The following ANTXR1 variants were observed in gnomAD, a reference collection of about 807,000 sequenced individuals.
ANTXR1 encodes anthrax toxin receptor 1.
Under a neutral mutation model 78.1 loss-of-function variants are expected in ANTXR1, and 19 were observed. The ratio of observed to expected loss-of-function variants is 0.24; its 90% CI spans 0.17 to 0.36. ANTXR1 has a LOEUF of 0.36. Among genes scored for constraint, ANTXR1 ranks in the 10% least tolerant of loss-of-function variants. The pLI is 1.00. For missense variants in ANTXR1, 518 were observed against 718.6 expected (o/e 0.72, Z 3.19); for synonymous variants, 273 against 260.5 (o/e 1.05, Z -0.46).
At position 69,245,780 on chromosome 2, in the gene ANTXR1, C is replaced by A; in HGVS notation, c.*295C>A. On this transcript the variant is annotated 3_prime_UTR_variant, in exon 18 of 18. Transcript: ENST00000303714. ...AGATGCTCTCAACAGGATTATGTCTCATGGAGACCAGTAAGAAAATCATTT... is the reference window on the plus strand; with the variant it reads ...AGATGCTCTCAACAGGATTATGTCTAATGGAGACCAGTAAGAAAATCATTT... 5.8e-6 allele frequency: 2 copies of A among 346,560 alleles called. No individual in the cohort carries two copies. Among genetic ancestry groups the A allele is most frequent in the Admixed American group, 4.5e-5 (1 of 22,380 alleles). The allele number at this position is 346,560 out of a possible 1,614,324, so 21.5% of individuals were successfully genotyped here. A position where few individuals can be genotyped will look rare whatever the true frequency, so the allele number is the denominator to read the frequency against.
At chr2:69,095,600 C>G (rs1256482326) in intron 9 of ANTXR1, among the ~76,000 whole-genome samples, 1 of 152,172 alleles carries the variant, frequency 6.6e-6, no homozygotes, top group Admixed American at 6.5e-5. Flanking sequence ...ATGTATAGCT[C>G]CAGGAGACCA....
chr2:69,064,907 T>C (rs913629128), intron 3 of ANTXR1, among the ~76,000 whole-genome samples: 3 of 152,070 alleles, frequency 2.0e-5, no homozygotes, highest in African/African-American at 7.3e-5. Flanking sequence ...ATGTATAGCT[T>C]TAAGTGTTTT....
At chr2:69,110,012 G>C (rs1671929514) in intron 10 of ANTXR1, among the ~76,000 whole-genome samples, 1 of 152,064 alleles carries the variant, frequency 6.6e-6, no homozygotes, top group Admixed American at 6.6e-5. Context: ...ATATGCAAAG[G>C]AAATTTTTAA....
At chr2:69,155,123 C>T (rs375985348) in intron 13 of ANTXR1, among the ~76,000 whole-genome samples, 1 of 152,298 alleles carries the variant, frequency 6.6e-6, no homozygotes, top group Non-Finnish European at 1.5e-5. Context: ...GGACCCCACT[C>T]CCCCATTTGG....
intron 12 of ANTXR1, chr2:69,135,127 A>G (rs138192160): frequency 7.4e-5 from 26 of 353,396 alleles, no homozygotes; most frequent in African/African-American, 5.4e-4. Flanking sequence ...CTATTTTGAC[A>G]ACCCTTGTAA....
At chr2:69,143,083 A>T (rs1247473840) in intron 12 of ANTXR1, among the ~76,000 whole-genome samples, 1 of 152,228 alleles carries the variant, frequency 6.6e-6, no homozygotes, top group East Asian at 1.9e-4. Flanking sequence ...GGGCAGGCAA[A>T]TCTATCAGAA....
chr2:69,061,505 CA>C (rs59372854), intron 3 of ANTXR1, among the ~76,000 whole-genome samples: 29,267 of 124,990 alleles, frequency 0.23, 4,712 homozygotes, highest in African/African-American at 0.47. Flanking sequence ...AAACAACTGC[CA>C]AAAAAAAAAA....
At chr2:69,138,113 GA>G (rs1266473414) in intron 12 of ANTXR1, among the ~76,000 whole-genome samples, 6 of 147,024 alleles carry the variant, frequency 4.1e-5, no homozygotes, top group Non-Finnish European at 9.0e-5. Flanking sequence ...AAAAAAGAAA[GA>G]AAAAAGAAAA....
At chr2:69,220,628 T>C (rs1257537943) in intron 17 of ANTXR1, among the ~76,000 whole-genome samples, 1 of 152,228 alleles carries the variant, frequency 6.6e-6, no homozygotes, top group Non-Finnish European at 1.5e-5. Context: ...TATATTGTTA[T>C]TTATTCTTTA....
intron 17 of ANTXR1, among the ~76,000 whole-genome samples, chr2:69,226,414 C>T: frequency 6.6e-6 from 1 of 152,054 alleles, no homozygotes; most frequent in East Asian, 1.9e-4. Flanking sequence ...GGATGTGGAG[C>T]AGGTCATGAG....
intron 8 of ANTXR1, among the ~76,000 whole-genome samples, chr2:69,084,591 G>GT (rs10708895): frequency 0.2 from 21,371 of 108,986 alleles, 2,314 homozygotes; most frequent in Non-Finnish European, 0.26. Flanking sequence ...TATTTGTAAA[G>GT]TTTTTTTTTT....
chr2:69,149,062 T>G (rs907090847), intron 12 of ANTXR1, among the ~76,000 whole-genome samples: 1 of 152,220 alleles, frequency 6.6e-6, no homozygotes, highest in African/African-American at 2.4e-5. Flanking sequence ...TGCCCTTCAT[T>G]CTTTTAAACT....
chr2:69,180,930 A>G (rs1674258865), intron 14 of ANTXR1, among the ~76,000 whole-genome samples: 1 of 152,124 alleles, frequency 6.6e-6, no homozygotes, highest in African/African-American at 2.4e-5. Context: ...TTTCCTAGAC[A>G]AGGGGACAAG....
At chr2:69,146,343 G>C (rs2104422382) in intron 12 of ANTXR1, 2 of 985,236 alleles carry the variant, frequency 2.0e-6, no homozygotes, top group Non-Finnish European at 1.2e-6. Flanking sequence ...AAAATTAAAG[G>C]CCATGTTGAT....
intron 3 of ANTXR1, among the ~76,000 whole-genome samples, chr2:69,058,237 G>A (rs745589875): frequency 6.6e-6 from 1 of 152,192 alleles, no homozygotes; most frequent in Non-Finnish European, 1.5e-5. Flanking sequence ...AGATGAAACA[G>A]CCTTCTATTG....
chr2:69,175,890 T>C (rs1234948668), intron 14 of ANTXR1, among the ~76,000 whole-genome samples: 1 of 152,108 alleles, frequency 6.6e-6, no homozygotes, highest in Non-Finnish European at 1.5e-5. Flanking sequence ...AATGTTTAGA[T>C]AGGAAAACTG....
Position 69,145,177 on chromosome 2 carries a change from G to A in ANTXR1, c.952-6992G>A, listed in dbSNP as rs1253465602. 4 of 735,450 alleles carry A rather than the reference G, an allele frequency of 5.4e-6. No individual in the cohort carries two copies. The African/African-American group carries it at 7.1e-5, about 13-fold the overall frequency. 45.6% of individuals were successfully genotyped at this position (735,450 alleles called of 1,614,324 possible). A position where few individuals can be genotyped will look rare whatever the true frequency, so the allele number is the denominator to read the frequency against. Reference sequence around the variant, plus strand: ...GCAGGCAGGGGGCCTGTCCAGGGAAGATGCACAGCCAGAGGCAGAGTTACG... The same window carrying A: ...GCAGGCAGGGGGCCTGTCCAGGGAAAATGCACAGCCAGAGGCAGAGTTACG... On this transcript the variant is annotated intron_variant, in intron 12 of 17. Coordinates refer to ENST00000303714, the MANE Select transcript of ANTXR1 (RefSeq NM_032208.3).
intron 3 of ANTXR1, among the ~76,000 whole-genome samples, chr2:69,055,898 C>G (rs1248039999): frequency 6.6e-6 from 1 of 152,156 alleles, no homozygotes; most frequent in Admixed American, 6.5e-5. Flanking sequence ...GCTCCACCAC[C>G]ATGTGCATGT....
intron 9 of ANTXR1, among the ~76,000 whole-genome samples, chr2:69,102,423 G>A (rs1671651858): frequency 6.6e-6 from 1 of 152,232 alleles, no homozygotes; most frequent in Admixed American, 6.5e-5. Context: ...AGTACAATGT[G>A]CAAAACAGAC....
Sources: gnomAD v4.1 joint callset for allele counts (sites outside exome capture counted in the v4.1 genomes callset) on GRCh38, gnomAD v4.1.1 for gene constraint, MANE v1.5 for transcripts, NCBI Gene and HGNC (gene_info 2026-07-23, HGNC 2026-07-21) for gene names.